KCNJ3: variants seen among roughly 807,000 people sequenced by gnomAD.
KCNJ3 encodes potassium inwardly rectifying channel subfamily J member 3.
A neutral mutation model predicts 39.2 loss-of-function variants in KCNJ3; 4 were observed. The ratio of observed to expected loss-of-function variants is 0.10; its 90% CI spans 0.05 to 0.23. KCNJ3 has a LOEUF of 0.23. KCNJ3 is among the 10% of genes least tolerant of loss of function. The pLI is 1.00. For missense variants in KCNJ3, 276 were observed against 634.9 expected (o/e 0.43, Z 6.08); for synonymous variants, 230 against 237.4 (o/e 0.97, Z 0.29).
At chr2:154,816,545 C>CT (rs1359991165) in intron 2 of KCNJ3, among the ~76,000 whole-genome samples, 1 of 152,094 alleles carries the variant, frequency 6.6e-6, no homozygotes, top group Non-Finnish European at 1.5e-5. Flanking sequence ...GGCTTGTGAA[C>CT]TGGTGAAAAC....
chr2:154,841,262 C>G (rs982199043), intron 2 of KCNJ3, among the ~76,000 whole-genome samples: 3 of 152,110 alleles, frequency 2.0e-5, no homozygotes, highest in Non-Finnish European at 4.4e-5. Flanking sequence ...GTTGAACCAG[C>G]CTTGCATCCC....
chr2:154,808,603 G>A (rs1161125444), intron 2 of KCNJ3, among the ~76,000 whole-genome samples: 1 of 152,132 alleles, frequency 6.6e-6, no homozygotes, highest in Non-Finnish European at 1.5e-5. Flanking sequence ...CCTAGTCTGA[G>A]TACTTACCAG....
intron 2 of KCNJ3, among the ~76,000 whole-genome samples, chr2:154,815,351 A>T (rs527559912): frequency 5.0e-4 from 76 of 152,322 alleles, no homozygotes; most frequent in Non-Finnish European, 9.8e-4. Flanking sequence ...TATTCCAAAG[A>T]TCTATATCAA....
chr2:154,740,077 G>A (rs983141772), intron 2 of KCNJ3, among the ~76,000 whole-genome samples: 11 of 151,980 alleles, frequency 7.2e-5, no homozygotes, highest in African/African-American at 2.7e-4. Context: ...CCAGGTAATA[G>A]TAGTAATTAT....
intron 2 of KCNJ3, among the ~76,000 whole-genome samples, chr2:154,775,500 T>A (rs114289249): frequency 0.024 from 3,623 of 152,310 alleles, 86 homozygotes; most frequent in Middle Eastern, 0.034. Flanking sequence ...TTCCTTAATA[T>A]GTACATTTCT....
intron 2 of KCNJ3, among the ~76,000 whole-genome samples, chr2:154,794,878 C>T (rs1369975723): frequency 1.3e-5 from 2 of 151,920 alleles, no homozygotes; most frequent in Non-Finnish European, 2.9e-5. Context: ...TACTGAACAT[C>T]CTTAAAAGAA....
chr2:154,707,852 G>A (rs944860370), intron 1 of KCNJ3, among the ~76,000 whole-genome samples: 4 of 152,050 alleles, frequency 2.6e-5, no homozygotes, highest in African/African-American at 9.7e-5. Context: ...TTTGTGTCCG[G>A]CATTTATTTT....
chr2:154,855,325 C>T lies in KCNJ3; in HGVS notation c.*12C>T. ...ATCGCTTCACATAACAAAGCACTCC[C>T]TTAGGCATTATTTAATGTTTGATTT... On this transcript the variant is annotated 3_prime_UTR_variant, in exon 3 of 3. Transcript: ENST00000295101. 6.6e-7 allele frequency: 1 copy of T among 1,522,150 alleles called. No individual in the cohort carries two copies. The highest frequency in any genetic ancestry group is 8.9e-7 in the Non-Finnish European group (1 of 1,121,070). The allele number at this position is 1,522,150 out of a possible 1,614,324, so 94.3% of individuals were successfully genotyped here.
intron 2 of KCNJ3, among the ~76,000 whole-genome samples, chr2:154,753,250 A>C (rs1685880327): frequency 6.6e-6 from 1 of 152,154 alleles, no homozygotes; most frequent in East Asian, 1.9e-4. Context: ...TAGACCAATT[A>C]TACTACCACA....
At chr2:154,769,972 T>A (rs1402893489) in intron 2 of KCNJ3, among the ~76,000 whole-genome samples, 1 of 152,182 alleles carries the variant, frequency 6.6e-6, no homozygotes, top group Non-Finnish European at 1.5e-5. Context: ...AGTAAAAAAT[T>A]CAAGCCTTTT....
chr2:154,785,542 G>A (rs140700280), intron 2 of KCNJ3, among the ~76,000 whole-genome samples: 186 of 152,274 alleles, frequency 1.2e-3, no homozygotes, highest in Middle Eastern at 3.4e-3. Context: ...TGGAGAGAGT[G>A]TGTTAGTTAC....
chr2:154,848,344 T>G (rs1040265640), intron 2 of KCNJ3, among the ~76,000 whole-genome samples: 6 of 152,100 alleles, frequency 3.9e-5, no homozygotes, highest in Non-Finnish European at 7.4e-5. Flanking sequence ...ACAGTTTTGC[T>G]GTGATGAGAT....
chr2:154,818,965 A>G (rs1269492108), intron 2 of KCNJ3, among the ~76,000 whole-genome samples: 3 of 105,910 alleles, frequency 2.8e-5, no homozygotes, highest in African/African-American at 1.1e-4. Context: ...ATCTTGTGAA[A>G]TTCTACTGCA....
At chr2:154,819,911 C>T (rs1456599255) in intron 2 of KCNJ3, among the ~76,000 whole-genome samples, 1 of 148,312 alleles carries the variant, frequency 6.7e-6, no homozygotes, top group African/African-American at 2.5e-5. Context: ...TCCAGATTGG[C>T]AAAAAAAAAA....
intron 2 of KCNJ3, among the ~76,000 whole-genome samples, chr2:154,851,461 A>G (rs1687754200): frequency 6.6e-6 from 1 of 152,182 alleles, no homozygotes; most frequent in African/African-American, 2.4e-5. Flanking sequence ...GCAAGGTTCT[A>G]TGTCTTTTAC....
intron 2 of KCNJ3, 68 bp from the exon 3 acceptor site, chr2:154,854,659 A>T: frequency 1.7e-6 from 2 of 1,155,964 alleles, no homozygotes; most frequent in Non-Finnish European, 2.5e-6. Context: ...TGAATTATTT[A>T]GGCCAAACCG....
Position 154,755,140 on chromosome 2 carries a change from A to G in KCNJ3, c.919+45321A>G, listed in dbSNP as rs376468508. Reference sequence around the variant, plus strand: ...TATTTTTAACCTTTTTCTTCCCATCAGCATTGCTAGAGAGTTTTCCACATT... The same window carrying G: ...TATTTTTAACCTTTTTCTTCCCATCGGCATTGCTAGAGAGTTTTCCACATT... On this transcript the variant is annotated intron_variant, in intron 2 of 2. Coordinates refer to ENST00000295101, the MANE Select transcript of KCNJ3 (RefSeq NM_002239.4). Among the ~76,000 whole-genome samples, 16 of 152,184 alleles carry G rather than the reference A, an allele frequency of 1.1e-4. No homozygotes were observed. In the East Asian group the frequency reaches 1.7e-3, roughly 17 times the overall value.
At chr2:154,705,777 CAATT>C (rs913080584) in intron 1 of KCNJ3, among the ~76,000 whole-genome samples, 16 of 152,082 alleles carry the variant, frequency 1.1e-4, no homozygotes, top group African/African-American at 3.4e-4. Flanking sequence ...TTAATTTAAA[CAATT>C]AATTTATTTA....
chr2:154,851,559 A>G (rs1687756198), intron 2 of KCNJ3, among the ~76,000 whole-genome samples: 1 of 152,206 alleles, frequency 6.6e-6, no homozygotes, highest in East Asian at 1.9e-4. Flanking sequence ...GCTTTAGGTA[A>G]TTTTCACAAG....
Sources: gnomAD v4.1 joint callset for allele counts (sites outside exome capture counted in the v4.1 genomes callset) on GRCh38, gnomAD v4.1.1 for gene constraint, MANE v1.5 for transcripts, NCBI Gene and HGNC (gene_info 2026-07-23, HGNC 2026-07-21) for gene names.